Variants in LRRTM4 observed in about 807,000 individuals in gnomAD.
The protein encoded by LRRTM4 is leucine rich repeat transmembrane neuronal 4, also known as leucine-rich repeat transmembrane neuronal protein 4.
Under a neutral mutation model 47.6 loss-of-function variants are expected in LRRTM4, and 25 were observed. The observed-to-expected ratio is 0.53, with a 90% CI of 0.38 to 0.73. The LOEUF (loss-of-function observed/expected upper bound fraction) is 0.73, where lower values mean the gene tolerates loss of function less well. Among genes scored for constraint, LRRTM4 ranks in the 30% least tolerant of loss-of-function variants. LRRTM4 has a pLI of 0.00. For missense variants in LRRTM4, 638 were observed against 713.4 expected (o/e 0.89, Z 1.20); for synonymous variants, 311 against 269.5 (o/e 1.15, Z -1.51).
At chr2:76,944,421 A>T (rs149665549) in intron 3 of LRRTM4, among the ~76,000 whole-genome samples, 1 of 152,296 alleles carries the variant, frequency 6.6e-6, no homozygotes, top group East Asian at 1.9e-4. Context: ...AAAAATATTG[A>T]AAGCTTTCCA....
intron 3 of LRRTM4, among the ~76,000 whole-genome samples, chr2:77,508,814 G>C (rs1294529865): frequency 1.3e-5 from 2 of 151,936 alleles, no homozygotes; most frequent in Admixed American, 1.3e-4. Flanking sequence ...ATATGCAGTA[G>C]AGCAATATCA....
At chr2:77,211,351 C>T (rs898163412) in intron 3 of LRRTM4, among the ~76,000 whole-genome samples, 7 of 152,126 alleles carry the variant, frequency 4.6e-5, no homozygotes, top group East Asian at 1.9e-4. Context: ...ATTAGAAATG[C>T]TTTGGCTTCT....
At chr2:76,929,463 C>G (rs1364558557) in intron 3 of LRRTM4, among the ~76,000 whole-genome samples, 1 of 152,178 alleles carries the variant, frequency 6.6e-6, no homozygotes, top group South Asian at 2.1e-4. Context: ...GTCCACCCAT[C>G]GGAGTTGGGT....
rs189389997 is a variant in LRRTM4 at position 77,255,529 on chromosome 2, C to T, written c.1551+262789G>A. 1.4e-4 allele frequency among the ~76,000 whole-genome samples: 21 copies of T among 152,106 alleles called. No individual in the cohort carries two copies. The East Asian group carries it at 4.1e-3, about 29-fold the overall frequency. ...AGATTGTATCCTAGACCATGAAACA[C>T]ACTTCAAAATATTGAAACACATTGA... is the stretch of plus-strand genomic sequence containing the variant. On this transcript the variant is annotated intron_variant, in intron 3 of 3. Transcript: ENST00000409884.
Position 77,480,916 on chromosome 2 carries a change from C to T in LRRTM4, c.1551+37402G>A, listed in dbSNP as rs540017637. Among the ~76,000 whole-genome samples, 3 of 150,438 alleles carry T rather than the reference C, an allele frequency of 2.0e-5. No homozygotes were observed. The South Asian group carries it at 6.4e-4, about 32-fold the overall frequency. On this transcript the variant is annotated intron_variant, in intron 3 of 3. Coordinates refer to ENST00000409884, the MANE Select transcript of LRRTM4 (RefSeq NM_001134745.3). ...CTTTTTTCAAGTTGGACCCTACGTC[C>T]AAATGATGCAACGAAGAATCACTGA...
At chr2:77,163,409 T>G (rs1317702922) in intron 3 of LRRTM4, among the ~76,000 whole-genome samples, 1 of 152,172 alleles carries the variant, frequency 6.6e-6, no homozygotes, top group East Asian at 1.9e-4. Flanking sequence ...CTCTGCAGGA[T>G]ATTATCCAGG....
At chr2:76,778,718 GATTC>G (rs1456081739) in intron 3 of LRRTM4, among the ~76,000 whole-genome samples, 2 of 151,014 alleles carry the variant, frequency 1.3e-5, no homozygotes, top group Admixed American at 1.3e-4. Context: ...CCAGCTCCTG[GATTC>G]ATTAATTTTT....
chr2:76,826,885 TG>T (rs1486305620), intron 3 of LRRTM4, among the ~76,000 whole-genome samples: 1 of 151,866 alleles, frequency 6.6e-6, no homozygotes, highest in Admixed American at 6.6e-5. Flanking sequence ...TTTCCATTTG[TG>T]GAGGGAAACT....
At chr2:77,255,675 T>C (rs1675745771) in intron 3 of LRRTM4, among the ~76,000 whole-genome samples, 1 of 151,900 alleles carries the variant, frequency 6.6e-6, no homozygotes, top group African/African-American at 2.4e-5. Context: ...AATCCATGTG[T>C]CGAATAGAAT....
At chr2:76,972,259 G>A (rs557101415) in intron 3 of LRRTM4, among the ~76,000 whole-genome samples, 10 of 152,040 alleles carry the variant, frequency 6.6e-5, no homozygotes, top group Non-Finnish European at 1.2e-4. Flanking sequence ...AAGTAGCTGG[G>A]CATGTGAATA....
chr2:76,778,545 C>T (rs564393677), intron 3 of LRRTM4, among the ~76,000 whole-genome samples: 64 of 151,244 alleles, frequency 4.2e-4, no homozygotes, highest in East Asian at 1.5e-3. Context: ...AGTTTATTTG[C>T]GTAGAGGTGT....
intron 3 of LRRTM4, among the ~76,000 whole-genome samples, chr2:76,961,553 C>T (rs1675861240): frequency 6.6e-6 from 1 of 151,384 alleles, no homozygotes; most frequent in Admixed American, 6.6e-5. Flanking sequence ...AGAAAAGAAG[C>T]ATCCTGGGCA....
chr2:77,125,666 C>T (rs1671635888), intron 3 of LRRTM4, among the ~76,000 whole-genome samples: 1 of 152,072 alleles, frequency 6.6e-6, no homozygotes, highest in Non-Finnish European at 1.5e-5. Flanking sequence ...CATGCATTCT[C>T]TTATGTCCTT....
chr2:76,794,391 C>CTAAATACTGCTAT (rs1675146003), intron 3 of LRRTM4, among the ~76,000 whole-genome samples: 1 of 152,146 alleles, frequency 6.6e-6, no homozygotes, highest in South Asian at 2.1e-4. Flanking sequence ...ACTACAGTCC[C>CTAAATACTGCTAT]TAAATACTGC....
chr2:77,007,749 C>T (rs567074513), intron 3 of LRRTM4, among the ~76,000 whole-genome samples: 1 of 152,258 alleles, frequency 6.6e-6, no homozygotes, highest in African/African-American at 2.4e-5. Flanking sequence ...GAAAAGGCTA[C>T]ATGTCTTCCA....
At chr2:77,440,286 C>T (rs987459383) in intron 3 of LRRTM4, among the ~76,000 whole-genome samples, 15 of 152,106 alleles carry the variant, frequency 9.9e-5, no homozygotes, top group African/African-American at 3.6e-4. Context: ...TGGTGGCGGG[C>T]GCCTGTAGTC....
chr2:77,468,135 C>A (rs1426609751), intron 3 of LRRTM4, among the ~76,000 whole-genome samples: 1 of 152,078 alleles, frequency 6.6e-6, no homozygotes, highest in Non-Finnish European at 1.5e-5. Context: ...TTGTTTTATA[C>A]CCTCCCATTA....
chr2:76,872,999 C>T (rs1372090787), intron 3 of LRRTM4, among the ~76,000 whole-genome samples: 1 of 152,108 alleles, frequency 6.6e-6, no homozygotes, highest in Non-Finnish European at 1.5e-5. Flanking sequence ...GATATTGATG[C>T]CATGCTTCTT....
chr2:76,898,142 TTC>T (rs963320309), intron 3 of LRRTM4, among the ~76,000 whole-genome samples: 2 of 152,118 alleles, frequency 1.3e-5, no homozygotes, highest in Non-Finnish European at 1.5e-5. Flanking sequence ...CCTTGTTTTT[TTC>T]TGTTTTTAAA....
Sources: allele counts gnomAD v4.1 joint callset (sites outside exome capture counted in the v4.1 genomes callset), GRCh38; gene constraint gnomAD v4.1.1; transcripts MANE v1.5; gene names NCBI Gene and HGNC (gene_info 2026-07-23, HGNC 2026-07-21).